SPG7: variants seen among roughly 807,000 people sequenced by gnomAD.
SPG7 encodes the protein SPG7 matrix AAA peptidase subunit, paraplegin.
Under a neutral mutation model 81.9 loss-of-function variants are expected in SPG7, and 103 were observed. That is an observed-to-expected ratio of 1.26 (90% CI 1.07 to 1.48). SPG7 has a LOEUF of 1.48. Among genes scored for constraint, SPG7 ranks in the 40% most tolerant of loss-of-function variants. SPG7 has a pLI of 0.00. For synonymous variants in SPG7, 534 were observed against 444.2 expected, an observed-to-expected ratio of 1.20 and a Z score of -2.54; for missense variants, 1,241 against 1,087.3, an observed-to-expected ratio of 1.14 and a Z score of -1.99.
intron 4 of SPG7, among the ~76,000 whole-genome samples, chr16:89,524,451 T>A (rs2058235547): frequency 6.6e-6 from 1 of 152,220 alleles, no homozygotes; most frequent in Admixed American, 6.5e-5. Flanking sequence ...CCTTTGTTTT[T>A]GTTTTTGTTT....
At chr16:89,514,015 A>G (rs1327566137) in intron 3 of SPG7, among the ~76,000 whole-genome samples, 2 of 152,156 alleles carry the variant, frequency 1.3e-5, no homozygotes, top group Non-Finnish European at 2.9e-5. Context: ...TGCCAAGGCC[A>G]GGGACAGCTT....
intron 9 of SPG7, chr16:89,544,390 T>C: frequency 2.2e-6 from 1 of 446,854 alleles, no homozygotes; most frequent in South Asian, 2.0e-5. Flanking sequence ...TCCAGGATGC[T>C]GTAGGAGCTC....
At chr16:89,520,039 A>G (rs1318213922) in intron 3 of SPG7, 1 of 152,270 alleles carries the variant, frequency 6.6e-6, no homozygotes, top group Non-Finnish European at 1.5e-5. Flanking sequence ...AGGTGTGCAT[A>G]TGAGGCTCAG....
chr16:89,538,748 G>C (rs532918258), intron 9 of SPG7: 1 of 152,392 alleles, frequency 6.6e-6, no homozygotes, highest in Non-Finnish European at 1.5e-5. Context: ...TTCCACATGC[G>C]TCTCCAACAG....
At chr16:89,544,842 T>G (rs2058542961) in intron 10 of SPG7, 70 bp downstream of exon 10, 1 of 1,583,360 alleles carries the variant, frequency 6.3e-7, no homozygotes, top group East Asian at 2.2e-5. Flanking sequence ...TGGTCTGGCC[T>G]CTCCTCTAAG....
chr16:89,510,039 A>G (rs571859875), intron 1 of SPG7, among the ~76,000 whole-genome samples: 8 of 151,662 alleles, frequency 5.3e-5, no homozygotes, highest in Admixed American at 3.9e-4. Context: ...CAGTGGTGCT[A>G]TCTCGGCTTA....
intron 13 of SPG7, among the ~76,000 whole-genome samples, chr16:89,551,005 G>A (rs1161721860): frequency 1.3e-5 from 2 of 152,238 alleles, no homozygotes; most frequent in Non-Finnish European, 2.9e-5. Context: ...GGGCATGGTG[G>A]ATCACCTGAG....
At chr16:89,548,324 G>A (rs375823859) in intron 12 of SPG7, 5 of 514,046 alleles carry the variant, frequency 9.7e-6, no homozygotes, top group South Asian at 2.7e-5. Flanking sequence ...GTAGACGCTC[G>A]TCCAACAGAA....
chr16:89,538,323 G>A (rs963453129), intron 9 of SPG7: 1 of 152,200 alleles, frequency 6.6e-6, no homozygotes. Flanking sequence ...TGGAAGTCCT[G>A]TTGGTAAAAT....
chr16:89,540,203 C>T (rs1363684329), intron 9 of SPG7: 1 of 152,158 alleles, frequency 6.6e-6, no homozygotes, highest in African/African-American at 2.4e-5. Flanking sequence ...TTGCCTTTTC[C>T]TGTAATTTTT....
At chr16:89,513,796 T>C (rs2058053933) in intron 3 of SPG7, among the ~76,000 whole-genome samples, 1 of 152,216 alleles carries the variant, frequency 6.6e-6, no homozygotes, top group Non-Finnish European at 1.5e-5. Context: ...GAGCTCATCT[T>C]TCTAGAAAGG....
chr16:89,511,004 T>TG (rs1400810461), intron 2 of SPG7, among the ~76,000 whole-genome samples: 1 of 152,078 alleles, frequency 6.6e-6, no homozygotes, highest in Non-Finnish European at 1.5e-5. Context: ...AGCTAATTTT[T>TG]GGGGGGTATT....
intron 9 of SPG7, chr16:89,537,108 T>C: frequency 6.7e-7 from 1 of 1,500,310 alleles, no homozygotes; most frequent in South Asian, 1.3e-5. Flanking sequence ...GAGCCACAGC[T>C]GTGCATGCTC....
chr16:89,510,657 G>A (rs577284460), intron 2 of SPG7, 65 bp downstream of exon 2: 8 of 999,514 alleles, frequency 8.0e-6, no homozygotes, highest in African/African-American at 6.3e-5. Flanking sequence ...CTACTTGGGA[G>A]GCTGATCTTT....
intron 9 of SPG7, chr16:89,543,198 C>G (rs567816783): frequency 1.3e-5 from 2 of 151,296 alleles, no homozygotes; most frequent in Admixed American, 1.3e-4. Context: ...CCGCCCTCCT[C>G]GGCCTCCCAA....
At chr16:89,550,458 C>A in intron 12 of SPG7, 36 bp from the exon 13 acceptor site, 1 of 1,477,868 alleles carries the variant, frequency 6.8e-7, no homozygotes. Context: ...CAGGCGTGAG[C>A]CACCGCGCCC....
Position 89,530,819 on chromosome 16 carries a change from C to T in SPG7, c.987+11C>T, listed in dbSNP as rs1294138273. On this transcript the variant is annotated intron_variant, in intron 7 of 16. Transcript: ENST00000645818. ...GTGGATTATCTGAAGGTGAAAGCAGCGTGGGCCGGGAGGGAGGTGTGAGCA... is the reference window on the plus strand; with the variant it reads ...GTGGATTATCTGAAGGTGAAAGCAGTGTGGGCCGGGAGGGAGGTGTGAGCA... 6.2e-6 allele frequency: 10 copies of T among 1,613,684 alleles called. No homozygotes were observed. Among genetic ancestry groups the T allele is most frequent in the South Asian group, 3.3e-5 (3 of 91,060 alleles).
In SPG7 at chr16:89,548,036, C is replaced by T. The variant is rs748600162; in HGVS notation, c.1586C>T (p.Ala529Val). 40 of 1,612,298 alleles carry T rather than the reference C, an allele frequency of 2.5e-5. No homozygotes were observed. In the Admixed American group the frequency reaches 3.8e-4, roughly 15 times the overall value. Residue 529 changes from alanine (A) to valine (V), a missense_variant, in exon 12 of 17, where the codon GCG becomes GTG. By Grantham distance (64) the Ala-to-Val change is moderately conservative. Transcript: ENST00000645818. ...ADIANICNEA[A>V]LHAAREGHTS... ...ATCGCCAACATCTGCAATGAGGCTG[C>T]GCTGCACGCGGCGCGGGAGGGACAC...
intron 3 of SPG7, chr16:89,523,473 T>G (rs139325998): frequency 5.8e-6 from 2 of 343,186 alleles, no homozygotes; most frequent in African/African-American, 4.3e-5. Context: ...GTGTATGTTT[T>G]GATATTTAGT....
Sources: allele counts gnomAD v4.1 joint callset (sites outside exome capture counted in the v4.1 genomes callset), GRCh38; gene constraint gnomAD v4.1.1; transcripts MANE v1.5; gene names NCBI Gene and HGNC (gene_info 2026-07-23, HGNC 2026-07-21).